SLC39A12: variants seen among roughly 807,000 people sequenced by gnomAD.
SLC39A12 encodes solute carrier family 39 member 12, also known as zinc transporter ZIP12.
In SLC39A12, 63 loss-of-function variants were observed where a neutral mutation model predicts 71.1. The ratio of observed to expected loss-of-function variants is 0.89; its 90% CI spans 0.72 to 1.09. The LOEUF is 1.09. Among genes scored for constraint, SLC39A12 ranks in the 50% least tolerant of loss-of-function variants. SLC39A12 has a pLI of 0.00. For missense variants in SLC39A12, 892 were observed against 812.6 expected, an observed-to-expected ratio of 1.10 and a Z score of -1.19; for synonymous variants, 351 against 301.3, an observed-to-expected ratio of 1.16 and a Z score of -1.71.
Position 18,000,683 on chromosome 10 carries a change from G to C in SLC39A12, c.1617G>C (p.Leu539Phe). The change falls in exon 11 of 13, where the codon TTG becomes TTC. Residue 539 changes from leucine (L) to phenylalanine (F), a missense_variant. Leu to Phe is a conservative substitution (Grantham distance 22, BLOSUM62 0). Coordinates refer to ENST00000377369, the MANE Select transcript of SLC39A12 (RefSeq NM_001145195.2). ...GTTCCTTAGGTAAAGCCATTAGCTT[G>C]TTAGCAATCATGATTCTGGTTGGGG... is the stretch of plus-strand genomic sequence containing the variant. Reference protein sequence around the residue: ...ASNRKCKAISLLAIMILVGDS... With the variant: ...ASNRKCKAISFLAIMILVGDS... 2 of 1,614,184 alleles carry C rather than the reference G, an allele frequency of 1.2e-6. No individual in the cohort carries two copies. Among genetic ancestry groups the C allele is most frequent in the Non-Finnish European group, 8.5e-7 (1 of 1,180,036 alleles).
At chr10:17,984,005 G>A (rs940699991) in intron 6 of SLC39A12, among the ~76,000 whole-genome samples, 24 of 152,164 alleles carry the variant, frequency 1.6e-4, no homozygotes, top group Non-Finnish European at 2.9e-5. Context: ...TAAGTTTCCA[G>A]GAAAGAGTAT....
chr10:17,992,088 C>CAAAAAAAAAAAAAAAAAAACAA (rs1835564843), intron 8 of SLC39A12, among the ~76,000 whole-genome samples: 1 of 87,226 alleles, frequency 1.1e-5, no homozygotes. Context: ...GACTCCATCT[C>CAAAAAAAAAAAAAAAAAAACAA]AAAAAAAAAA....
rs1258791485 is a variant in SLC39A12, at chr10:17,993,167, C to A, written c.1423-14C>A. The A allele has an allele frequency of 4.6e-6, 7 of 1,537,094 alleles. No homozygotes were observed. Among genetic ancestry groups the A allele is most frequent in the African/African-American group, 1.4e-5 (1 of 72,662 alleles). The stretch of plus-strand genomic sequence containing the variant: ...TTCTGGCTTCAACACTAATTTTAAA[C>A]CATCCTCATCCAGCAGGGCCTGTCA... On this transcript the variant is annotated splice_polypyrimidine_tract_variant and intron_variant, in intron 8 of 12. Coordinates refer to ENST00000377369, the MANE Select transcript of SLC39A12 (RefSeq NM_001145195.2).
intron 4 of SLC39A12, among the ~76,000 whole-genome samples, chr10:17,977,124 A>C (rs556165): frequency 0.47 from 72,136 of 151,904 alleles, 17,417 homozygotes; most frequent in East Asian, 0.62. Flanking sequence ...CGATATTCTT[A>C]AACTCCAGAA....
At chr10:17,999,095 G>A (rs940265210) in intron 10 of SLC39A12, among the ~76,000 whole-genome samples, 2 of 151,876 alleles carry the variant, frequency 1.3e-5, no homozygotes, top group Admixed American at 6.6e-5. Context: ...TCAGGAGTTC[G>A]AGACCAGCCT....
chr10:17,973,953 G>A (rs984503649), intron 4 of SLC39A12, among the ~76,000 whole-genome samples: 1 of 150,092 alleles, frequency 6.7e-6, no homozygotes, highest in Non-Finnish European at 1.5e-5. Context: ...ACCCTGTCTT[G>A]CAAGCTTACT....
At chr10:17,967,262 G>C (rs1052258466) in intron 4 of SLC39A12, among the ~76,000 whole-genome samples, 5 of 152,078 alleles carry the variant, frequency 3.3e-5, no homozygotes, top group Non-Finnish European at 2.9e-5. Context: ...GTAGAGGCTT[G>C]ACAAGGTTGC....
In SLC39A12 at chr10:18,042,695, CT is replaced by C; in HGVS notation, c.1948-3del. On this transcript the variant is annotated splice_polypyrimidine_tract_variant and intron_variant, in intron 12 of 12. Coordinates refer to ENST00000377369, the MANE Select transcript of SLC39A12 (RefSeq NM_001145195.2). ...CTGGATCTTATTCTGGTTTTTTATTCTTTTTTTAGCTTCCTGAAATGACTCA... is the reference window on the plus strand; with the variant it reads ...CTGGATCTTATTCTGGTTTTTTATTCTTTTTTAGCTTCCTGAAATGACTCA... 2.5e-6 allele frequency: 4 copies of C among 1,591,542 alleles called. No homozygotes were observed. The highest frequency in any genetic ancestry group is 3.6e-5 in the Admixed American group (2 of 55,856).
intron 12 of SLC39A12, among the ~76,000 whole-genome samples, chr10:18,035,676 T>A (rs1321857401): frequency 2.0e-5 from 3 of 152,246 alleles, no homozygotes; most frequent in African/African-American, 7.2e-5. Context: ...TCCAGCTTTG[T>A]TCCGTTGCTG....
At chr10:17,979,296 G>C (rs1242938233) in intron 5 of SLC39A12, among the ~76,000 whole-genome samples, 1 of 152,168 alleles carries the variant, frequency 6.6e-6, no homozygotes, top group Non-Finnish European at 1.5e-5. Flanking sequence ...AATGGCACAA[G>C]AGCAGCAAGC....
At chr10:18,013,508 C>T (rs1836292739) in intron 12 of SLC39A12, among the ~76,000 whole-genome samples, 1 of 151,966 alleles carries the variant, frequency 6.6e-6, no homozygotes, top group South Asian at 2.1e-4. Flanking sequence ...GCTGGGACTA[C>T]AGGCACCTGC....
intron 12 of SLC39A12, among the ~76,000 whole-genome samples, chr10:18,023,239 G>A (rs1177105895): frequency 6.6e-6 from 1 of 152,190 alleles, no homozygotes; most frequent in African/African-American, 2.4e-5. Context: ...GAGAAACTTA[G>A]AACTGCTGTC....
At chr10:18,036,634 A>G (rs1193783975) in intron 12 of SLC39A12, among the ~76,000 whole-genome samples, 1 of 151,526 alleles carries the variant, frequency 6.6e-6, no homozygotes, top group Admixed American at 6.6e-5. Flanking sequence ...TGGGAGCTGT[A>G]GACCGGAGCT....
chr10:17,965,368 C>T, intron 3 of SLC39A12, 115 bp from the exon 4 acceptor site: 1 of 835,078 alleles, frequency 1.2e-6, no homozygotes, highest in Non-Finnish European at 1.9e-6. Flanking sequence ...TCAAATGATT[C>T]AATTTTCTTT....
chr10:18,041,817 G>T (rs1422427036), intron 12 of SLC39A12, among the ~76,000 whole-genome samples: 1 of 129,908 alleles, frequency 7.7e-6, no homozygotes, highest in Non-Finnish European at 1.7e-5. Context: ...ATATGTATAC[G>T]TATATGTATG....
chr10:17,980,600 T>C (rs1329777651), intron 5 of SLC39A12, among the ~76,000 whole-genome samples: 2 of 152,214 alleles, frequency 1.3e-5, no homozygotes, highest in Admixed American at 6.5e-5. Context: ...TTTTAGAGAC[T>C]GTGGCATTTG....
intron 1 of SLC39A12, among the ~76,000 whole-genome samples, chr10:17,952,784 G>A (rs935988062): frequency 2.0e-5 from 3 of 152,086 alleles, no homozygotes; most frequent in Non-Finnish European, 4.4e-5. Flanking sequence ...ACCGCGCCTG[G>A]CCTAAAACTT....
chr10:18,043,127 A>AT lies in SLC39A12; in HGVS notation c.*300dup, dbSNP rs1013877188. The stretch of plus-strand genomic sequence containing the variant: ...AATTTTAGTAAACTTTAAAAAATAG[A>AT]TTTTTTCCCTAAGAAAGAATGTTTG... On this transcript the variant is annotated 3_prime_UTR_variant, in exon 13 of 13. Transcript: ENST00000377369. 4 of 169,868 alleles carry AT rather than the reference A, an allele frequency of 2.4e-5. No homozygotes were observed. The highest frequency in any genetic ancestry group is 9.5e-5 in the African/African-American group (4 of 42,060). 10.5% of individuals were successfully genotyped at this position (169,868 alleles called of 1,614,324 possible).
chr10:18,014,965 A>G (rs1004661355), intron 12 of SLC39A12, among the ~76,000 whole-genome samples: 7 of 152,208 alleles, frequency 4.6e-5, no homozygotes, highest in Admixed American at 1.3e-4. Context: ...ACTTCATGGT[A>G]AAGCACTACA....
Sources: allele counts gnomAD v4.1 joint callset (sites outside exome capture counted in the v4.1 genomes callset), GRCh38; gene constraint gnomAD v4.1.1; transcripts MANE v1.5; gene names NCBI Gene and HGNC (gene_info 2026-07-23, HGNC 2026-07-21).